SRBD1: variants seen among roughly 807,000 people sequenced by gnomAD.
The protein encoded by SRBD1 is S1 RNA-binding domain-containing protein 1.
In SRBD1, 88 loss-of-function variants were observed where a neutral mutation model predicts 115.3. That is an observed-to-expected ratio of 0.76 (90% CI 0.64 to 0.91). The LOEUF (loss-of-function observed/expected upper bound fraction) is 0.91, where lower values mean the gene tolerates loss of function less well. Ranked by LOEUF, SRBD1 falls within the 40% of genes least tolerant of loss-of-function variation. SRBD1 has a pLI of 0.00. For synonymous variants in SRBD1, 509 were observed against 407.7 expected, an observed-to-expected ratio of 1.25 and a Z score of -2.99; for missense variants, 1,385 against 1,177.4, an observed-to-expected ratio of 1.18 and a Z score of -2.58.
chr2:45,465,932 G>C lies in SRBD1; in HGVS notation c.2049+11061C>G, dbSNP rs541776972. Reference sequence around the variant, plus strand: ...GAGAGGCTGCAAAATTTTATGGTGTGTTTATAATAAAGTTTAAAAAATACA... The same window carrying C: ...GAGAGGCTGCAAAATTTTATGGTGTCTTTATAATAAAGTTTAAAAAATACA... On this transcript the variant is annotated intron_variant, in intron 16 of 20. Transcript: ENST00000263736. Among the ~76,000 whole-genome samples the C allele has an allele frequency of 2.6e-5, 4 of 152,220 alleles. No homozygotes were observed. The East Asian group carries it at 7.7e-4, about 29-fold the overall frequency.
intron 16 of SRBD1, among the ~76,000 whole-genome samples, chr2:45,475,729 C>T (rs901230897): frequency 4.6e-5 from 7 of 152,188 alleles, no homozygotes; most frequent in South Asian, 2.1e-4. Context: ...GATGGAGTCT[C>T]GCTCTGTCAC....
chr2:45,598,884 A>G (rs1673992093), intron 4 of SRBD1, among the ~76,000 whole-genome samples: 1 of 152,162 alleles, frequency 6.6e-6, no homozygotes, highest in South Asian at 2.1e-4. Flanking sequence ...ACAAAAGCTC[A>G]CTAGCTACTC....
At chr2:45,555,166 G>A (rs114506047) in intron 10 of SRBD1, among the ~76,000 whole-genome samples, 1,703 of 152,286 alleles carry the variant, frequency 0.011, 14 homozygotes, top group Non-Finnish European at 0.018. Context: ...GCCAAAGTGG[G>A]AGGATCACTT....
At chr2:45,576,334 G>A (rs967891677) in intron 7 of SRBD1, among the ~76,000 whole-genome samples, 1 of 151,482 alleles carries the variant, frequency 6.6e-6, no homozygotes, top group African/African-American at 2.4e-5. Flanking sequence ...TCAGCTTTAT[G>A]TCATCAGTAA....
At chr2:45,547,688 G>A in intron 12 of SRBD1, 76 bp from the exon 13 acceptor site, 7 of 1,254,542 alleles carry the variant, frequency 5.6e-6, no homozygotes, top group Admixed American at 2.2e-5. Flanking sequence ...TGTTAAGCAA[G>A]TTGTAACAGA....
chr2:45,601,968 G>A lies in SRBD1; in HGVS notation c.196C>T (p.Arg66Trp), dbSNP rs142793585. 131 of 1,614,170 alleles carry A rather than the reference G, an allele frequency of 8.1e-5. No individual in the cohort carries two copies. Among genetic ancestry groups the A allele is most frequent in the African/African-American group, 6.8e-4 (51 of 75,044 alleles). The change falls in exon 3 of 21, where the codon CGG becomes TGG. Residue 66 changes from arginine (R) to tryptophan (W), a missense_variant. By Grantham distance (101) the Arg-to-Trp change is moderately radical. Transcript: ENST00000263736. ...ATCTGTGGGGCATTCTTCTTCACCCGAGGCATCCTCTTTGGTTTGGATTCC... is the reference window on the plus strand; with the variant it reads ...ATCTGTGGGGCATTCTTCTTCACCCAAGGCATCCTCTTTGGTTTGGATTCC... Reference protein sequence around the residue: ...PKESKPKRMPRVKKNAPQISD... With the variant: ...PKESKPKRMPWVKKNAPQISD...
In SRBD1 at chr2:45,609,008, C is replaced by T. The variant is rs1474801982; in HGVS notation, c.-1+2211G>A. On this transcript the variant is annotated intron_variant, in intron 1 of 20. Coordinates refer to ENST00000263736, the MANE Select transcript of SRBD1 (RefSeq NM_018079.5). The stretch of plus-strand genomic sequence containing the variant: ...TTTTTGATAGAGACGGGGTTCGTCA[C>T]GTTGGCCAGGCTGGTCTCGAACTCC... Among the ~76,000 whole-genome samples the T allele has an allele frequency of 3.9e-5, 6 of 152,026 alleles. No individual in the cohort carries two copies. In the East Asian group the frequency reaches 1.2e-3, roughly 30 times the overall value.
chr2:45,488,167 AT>A lies in SRBD1; in HGVS notation c.1966+72del, dbSNP rs2103853823. ...TTTTAAATTTTCTTTGATATTTAGA[AT>A]ATTTAGCATGCCACACATGCTGCCC... On this transcript the variant is annotated intron_variant, in intron 15 of 20. Transcript: ENST00000263736. 3.1e-6 allele frequency: 4 copies of A among 1,285,756 alleles called. No individual in the cohort carries two copies. The East Asian group carries it at 9.2e-5, about 30-fold the overall frequency. The allele number at this position is 1,285,756 out of a possible 1,614,324, so 79.6% of individuals were successfully genotyped here. A position where few individuals can be genotyped will look rare whatever the true frequency, so the allele number is the denominator to read the frequency against.
chr2:45,482,425 A>C (rs77081065), intron 15 of SRBD1, among the ~76,000 whole-genome samples: 1 of 152,130 alleles, frequency 6.6e-6, no homozygotes, highest in Non-Finnish European at 1.5e-5. Context: ...TGCTTCTACC[A>C]TATGCTATCG....
chr2:45,460,441 G>A (rs1416659800), intron 16 of SRBD1, among the ~76,000 whole-genome samples: 3 of 152,202 alleles, frequency 2.0e-5, no homozygotes, highest in African/African-American at 7.2e-5. Context: ...GCAGCTCACA[G>A]AAGGTTGGAA....
chr2:45,481,000 C>T (rs949546466), intron 15 of SRBD1, among the ~76,000 whole-genome samples: 1 of 152,134 alleles, frequency 6.6e-6, no homozygotes, highest in African/African-American at 2.4e-5. Flanking sequence ...CACATCTCAG[C>T]CTTTAGTAAC....
intron 9 of SRBD1, among the ~76,000 whole-genome samples, chr2:45,567,519 G>A (rs554944693): frequency 6.6e-6 from 1 of 152,058 alleles, no homozygotes; most frequent in African/African-American, 2.4e-5. Context: ...TGAAGTGGGA[G>A]AATGCCTTCA....
chr2:45,511,848 A>G (rs1670981545), intron 14 of SRBD1, among the ~76,000 whole-genome samples: 1 of 152,184 alleles, frequency 6.6e-6, no homozygotes, highest in Non-Finnish European at 1.5e-5. Context: ...TATTGATTCT[A>G]CTTACCTCAT....
At chr2:45,460,248 C>T (rs910323265) in intron 16 of SRBD1, among the ~76,000 whole-genome samples, 1 of 152,152 alleles carries the variant, frequency 6.6e-6, no homozygotes, top group Non-Finnish European at 1.5e-5. Flanking sequence ...ATTCTGGTAG[C>T]ATGCCCGTAA....
At chr2:45,444,964 T>C (rs1668777586) in intron 16 of SRBD1, among the ~76,000 whole-genome samples, 1 of 152,168 alleles carries the variant, frequency 6.6e-6, no homozygotes, top group Admixed American at 6.5e-5. Flanking sequence ...ACATAAAAAG[T>C]AGAGGGCAAA....
intron 14 of SRBD1, among the ~76,000 whole-genome samples, chr2:45,537,392 G>A (rs1207916366): frequency 2.6e-5 from 4 of 152,226 alleles, no homozygotes; most frequent in South Asian, 2.1e-4. Context: ...CTTTTTGTCT[G>A]TCTTCTCCAT....
At chr2:45,431,236 G>T (rs1337582229) in intron 16 of SRBD1, among the ~76,000 whole-genome samples, 1 of 152,208 alleles carries the variant, frequency 6.6e-6, no homozygotes, top group African/African-American at 2.4e-5. Flanking sequence ...GTGGAAGACA[G>T]TGTGGTGATT....
chr2:45,463,026 G>T (rs1042905696), intron 16 of SRBD1, among the ~76,000 whole-genome samples: 6 of 137,604 alleles, frequency 4.4e-5, no homozygotes, highest in African/African-American at 1.5e-4. Flanking sequence ...CCGGGGGGGG[G>T]GGGGGAAATC....
At chr2:45,575,015 T>G (rs1048240323) in intron 7 of SRBD1, among the ~76,000 whole-genome samples, 2 of 152,214 alleles carry the variant, frequency 1.3e-5, no homozygotes, top group Non-Finnish European at 2.9e-5. Context: ...TGTGAGACAC[T>G]GGGCAACCTA....
Sources: allele counts gnomAD v4.1 joint callset (sites outside exome capture counted in the v4.1 genomes callset), GRCh38; gene constraint gnomAD v4.1.1; transcripts MANE v1.5; gene names NCBI Gene and HGNC (gene_info 2026-07-23, HGNC 2026-07-21).